PPP3CA: variants seen among roughly 807,000 people sequenced by gnomAD.
The protein encoded by PPP3CA is CAM-PRP catalytic subunit.
In PPP3CA, 14 loss-of-function variants were observed where a neutral mutation model predicts 66.5. That is an observed-to-expected ratio of 0.21 (90% CI 0.14 to 0.33). The LOEUF is 0.33. Among genes scored for constraint, PPP3CA ranks in the 10% least tolerant of loss-of-function variants. The pLI is 1.00. For missense variants in PPP3CA, 317 were observed against 639.5 expected, an observed-to-expected ratio of 0.50 and a Z score of 5.44; for synonymous variants, 232 against 226.2, an observed-to-expected ratio of 1.03 and a Z score of -0.23.
At chr4:101,135,919 T>G (rs1368377061) in intron 2 of PPP3CA, among the ~76,000 whole-genome samples, 1 of 152,224 alleles carries the variant, frequency 6.6e-6, no homozygotes, top group African/African-American at 2.4e-5. Flanking sequence ...GCACTAGCAC[T>G]AATCAGCTAT....
chr4:101,029,394 T>TAAAAAAA (rs1726834563), intron 12 of PPP3CA, among the ~76,000 whole-genome samples, 199 bp from the exon 13 acceptor site: 1 of 143,016 alleles, frequency 7.0e-6, no homozygotes, highest in African/African-American at 2.7e-5. Flanking sequence ...CCACAGAAAT[T>TAAAAAAA]ATAAATTTAA....
At chr4:101,249,613 T>C (rs1300880147) in intron 1 of PPP3CA, among the ~76,000 whole-genome samples, 2 of 152,122 alleles carry the variant, frequency 1.3e-5, no homozygotes, top group Non-Finnish European at 2.9e-5. Context: ...GACATTTCAG[T>C]TATTACTGGG....
chr4:101,098,608 C>T (rs1730304942), intron 4 of PPP3CA, 96 bp from the exon 5 acceptor site: 7 of 1,154,450 alleles, frequency 6.1e-6, no homozygotes, highest in South Asian at 1.6e-5. Context: ...TGCTAGGACC[C>T]TATTATTAAC....
At chr4:101,060,859 AAC>A (rs1728432978) in intron 10 of PPP3CA, among the ~76,000 whole-genome samples, 1 of 152,196 alleles carries the variant, frequency 6.6e-6, no homozygotes, top group South Asian at 2.1e-4. Flanking sequence ...AGCTTATTAA[AAC>A]AGTTTACTAC....
chr4:101,171,651 G>T (rs893139520), intron 2 of PPP3CA, among the ~76,000 whole-genome samples: 2 of 152,016 alleles, frequency 1.3e-5, no homozygotes, highest in Non-Finnish European at 2.9e-5. Context: ...ATGAACCCTG[G>T]CATAACTCTA....
intron 1 of PPP3CA, among the ~76,000 whole-genome samples, chr4:101,278,551 C>T (rs183460670): frequency 2.6e-5 from 4 of 152,208 alleles, no homozygotes; most frequent in Admixed American, 2.0e-4. Context: ...AAGCAGACTG[C>T]GGATACCACA....
Position 101,033,297 on chromosome 4 carries a change from C to CAG in PPP3CA, c.1242-934_1242-933insCT, listed in dbSNP as rs1727091311. Among the ~76,000 whole-genome samples the CAG allele has an allele frequency of 1.3e-4, 8 of 62,050 alleles. No individual in the cohort carries two copies. The South Asian group carries it at 2.7e-3, about 21-fold the overall frequency. The allele number at this position is 62,050 out of a possible 152,430, so 40.7% of individuals were successfully genotyped here. On this transcript the variant is annotated intron_variant, in intron 11 of 13. Transcript: ENST00000394854. Reference sequence around the variant, plus strand: ...AGAGACACACACACACACACAAACACACACACACACACACACACACACACA... The same window carrying CAG: ...AGAGACACACACACACACACAAACACAGACACACACACACACACACACACACA...
At chr4:101,045,691 C>T (rs1024296218) in intron 10 of PPP3CA, among the ~76,000 whole-genome samples, 11 of 152,054 alleles carry the variant, frequency 7.2e-5, no homozygotes, top group African/African-American at 2.7e-4. Context: ...CAGGAAATGC[C>T]TGGTCTAACC....
intron 2 of PPP3CA, among the ~76,000 whole-genome samples, chr4:101,123,335 A>G (rs948067882): frequency 6.6e-6 from 1 of 152,168 alleles, no homozygotes; most frequent in African/African-American, 2.4e-5. Context: ...ATGCTCATCA[A>G]TGGTGAACTT....
intron 8 of PPP3CA, among the ~76,000 whole-genome samples, 155 bp from the exon 9 acceptor site, chr4:101,063,512 G>A (rs1334184846): frequency 2.0e-5 from 3 of 151,828 alleles, no homozygotes; most frequent in Non-Finnish European, 4.4e-5. Flanking sequence ...ACAACTTATG[G>A]ACTTAAACCT....
intron 1 of PPP3CA, among the ~76,000 whole-genome samples, chr4:101,220,633 T>C (rs1257763605): frequency 6.6e-6 from 1 of 151,748 alleles, no homozygotes. Flanking sequence ...ATTCTTCCTA[T>C]CTGTTACATG....
At chr4:101,136,375 T>C (rs1424403382) in intron 2 of PPP3CA, among the ~76,000 whole-genome samples, 1 of 152,060 alleles carries the variant, frequency 6.6e-6, no homozygotes, top group Admixed American at 6.6e-5. Context: ...ACCCCGTCTC[T>C]ACTAAAAATA....
At chr4:101,101,047 T>C (rs1011291582) in intron 3 of PPP3CA, among the ~76,000 whole-genome samples, 2 of 152,188 alleles carry the variant, frequency 1.3e-5, no homozygotes, top group Admixed American at 6.5e-5. Flanking sequence ...ATATTATCTC[T>C]AGGTAATTAT....
At chr4:101,068,290 CA>C (rs1728767212) in intron 8 of PPP3CA, among the ~76,000 whole-genome samples, 1 of 152,066 alleles carries the variant, frequency 6.6e-6, no homozygotes, top group African/African-American at 2.4e-5. Context: ...TTTTTCCTTC[CA>C]ATTCTTCCAC....
intron 6 of PPP3CA, among the ~76,000 whole-genome samples, chr4:101,084,544 G>A (rs943146314): frequency 1.3e-5 from 2 of 151,938 alleles, no homozygotes; most frequent in African/African-American, 4.8e-5. Flanking sequence ...TCGGGAGGCT[G>A]AGGCAGGAGA....
At chr4:101,108,126 CTGTTT>C (rs1721501463) in intron 3 of PPP3CA, 1 of 152,182 alleles carries the variant, frequency 6.6e-6, no homozygotes, top group African/African-American at 2.4e-5. Flanking sequence ...CAAAGGTTAT[CTGTTT>C]TGTTTTAATT....
chr4:101,205,409 G>A (rs1560657773), intron 1 of PPP3CA, among the ~76,000 whole-genome samples: 1 of 152,108 alleles, frequency 6.6e-6, no homozygotes, highest in East Asian at 1.9e-4. Context: ...AACAGCCTAA[G>A]TAAGACATGA....
chr4:101,332,907 G>A (rs1729434787), intron 1 of PPP3CA, among the ~76,000 whole-genome samples: 1 of 152,172 alleles, frequency 6.6e-6, no homozygotes, highest in South Asian at 2.1e-4. Flanking sequence ...ATCACTGGAA[G>A]TATGTGGAGG....
At chr4:101,273,519 G>T (rs1727397699) in intron 1 of PPP3CA, among the ~76,000 whole-genome samples, 1 of 152,148 alleles carries the variant, frequency 6.6e-6, no homozygotes. Flanking sequence ...TAGAGACAGG[G>T]TTTCACCATA....
Sources: allele counts gnomAD v4.1 joint callset (sites outside exome capture counted in the v4.1 genomes callset), GRCh38; gene constraint gnomAD v4.1.1; transcripts MANE v1.5; gene names NCBI Gene and HGNC (gene_info 2026-07-23, HGNC 2026-07-21).